Variants in LRP2 observed in about 807,000 individuals in gnomAD.
LRP2 encodes the protein LDL receptor related protein 2.
In LRP2, 172 loss-of-function variants were observed where a neutral mutation model predicts 531.0. That is an observed-to-expected ratio of 0.32 (90% confidence interval 0.29 to 0.37). LRP2 has a LOEUF of 0.37. LRP2 is among the 10% of genes least tolerant of loss of function. The pLI, the probability that LRP2 is intolerant of heterozygous loss-of-function variation, is 1.00. For synonymous variants in LRP2, 1,992 were observed against 2,027.6 expected (o/e 0.98, Z 0.47); for missense variants, 5,167 against 5,868.3 (o/e 0.88, Z 3.90).
chr2:169,135,747 C>T (rs563493001), intron 76 of LRP2, among the ~76,000 whole-genome samples: 3 of 152,116 alleles, frequency 2.0e-5, no homozygotes, highest in Non-Finnish European at 2.9e-5. Context: ...CCTGTATAGA[C>T]GCTCCTTTTT....
In LRP2 at chr2:169,174,170, A is replaced by G; in HGVS notation, c.10769-6T>C. 1.2e-6 allele frequency: 2 copies of G among 1,614,204 alleles called. No homozygotes were observed. The highest frequency in any genetic ancestry group is 1.7e-6 in the Non-Finnish European group (2 of 1,180,038). On this transcript the variant is annotated splice_region_variant and splice_polypyrimidine_tract_variant and intron_variant, in intron 55 of 78. Coordinates refer to ENST00000649046, the MANE Select transcript of LRP2 (RefSeq NM_004525.3). ...GGAGTCACAGTGGTGATTCTCTGAG[A>G]GCAGGGACATTTGGTTATCAGCTTG...
intron 47 of LRP2, among the ~76,000 whole-genome samples, chr2:169,192,634 A>T (rs1355394420): frequency 6.6e-6 from 1 of 152,204 alleles, no homozygotes; most frequent in Admixed American, 6.5e-5. Context: ...GTTGTCAGAA[A>T]CCATGATGCT....
At chr2:169,159,708 A>G (rs1686502652) in intron 63 of LRP2, among the ~76,000 whole-genome samples, 2 of 152,000 alleles carry the variant, frequency 1.3e-5, no homozygotes, top group African/African-American at 4.8e-5. Flanking sequence ...ATTAGCAGTG[A>G]TATCCCCTCT....
chr2:169,318,681 C>T, intron 3 of LRP2, 81 bp downstream of exon 3: 2 of 1,581,278 alleles, frequency 1.3e-6, no homozygotes, highest in South Asian at 2.2e-5. Flanking sequence ...AAGAATCATC[C>T]CATTGTGTGT....
chr2:169,228,609 T>C (rs1330146040), intron 31 of LRP2, among the ~76,000 whole-genome samples: 1 of 152,202 alleles, frequency 6.6e-6, no homozygotes, highest in Non-Finnish European at 1.5e-5. Flanking sequence ...TTCTTGACTC[T>C]TCCATGGTGC....
At chr2:169,151,502 A>G (rs1023017850) in intron 67 of LRP2, among the ~76,000 whole-genome samples, 4 of 152,106 alleles carry the variant, frequency 2.6e-5, no homozygotes, top group African/African-American at 7.2e-5. Context: ...CTGACTGCCC[A>G]TGAGTCTGTT....
Position 169,157,435 on chromosome 2 carries a change from T to A in LRP2, c.11955A>T (p.Gly3985=), listed in dbSNP as rs750809420. ...CAGCTGTACAGGAGCAGATAAATCC[T>A]CCTTCATTTAATTGGGTACAATTTT... is the stretch of plus-strand genomic sequence containing the variant. ...CEQNCTQLNE[G]GFICSCTAGF... The change falls in exon 64 of 79, where the codon GGA becomes GGT. Residue 3985 remains glycine, a synonymous_variant. Transcript: ENST00000649046. 1.2e-6 allele frequency: 2 copies of A among 1,612,270 alleles called. No homozygotes were observed. The highest frequency in any genetic ancestry group is 1.7e-6 in the Non-Finnish European group (2 of 1,178,844).
At chr2:169,169,485 T>G (rs766446286) in intron 60 of LRP2, among the ~76,000 whole-genome samples, 4 of 152,264 alleles carry the variant, frequency 2.6e-5, no homozygotes, top group Non-Finnish European at 5.9e-5. Flanking sequence ...ACTTAATATA[T>G]TCTCCATTTA....
At chr2:169,356,478 C>T (rs1412576249) in intron 1 of LRP2, among the ~76,000 whole-genome samples, 1 of 152,234 alleles carries the variant, frequency 6.6e-6, no homozygotes, top group Non-Finnish European at 1.5e-5. Context: ...AAACATTTCA[C>T]ATTCATTGCC....
chr2:169,232,767 G>A (rs978065411), intron 30 of LRP2, among the ~76,000 whole-genome samples: 3 of 152,198 alleles, frequency 2.0e-5, no homozygotes, highest in East Asian at 1.9e-4. Flanking sequence ...GTCGCCTGCT[G>A]TGCTTTTGGA....
chr2:169,149,982 A>G (rs975918493), intron 68 of LRP2, among the ~76,000 whole-genome samples: 28 of 152,218 alleles, frequency 1.8e-4, no homozygotes, highest in African/African-American at 6.8e-4. Context: ...CATTCACACC[A>G]TAGAACACAC....
At chr2:169,147,015 C>A in intron 68 of LRP2, 56 bp from the exon 69 acceptor site, 4 of 1,283,586 alleles carry the variant, frequency 3.1e-6, no homozygotes, top group Non-Finnish European at 4.5e-6. Flanking sequence ...TTCTCCACTA[C>A]AGCAGAGCAC....
chr2:169,294,501 A>T (rs1344059324), intron 5 of LRP2, 99 bp downstream of exon 5: 2 of 915,068 alleles, frequency 2.2e-6, no homozygotes, highest in African/African-American at 1.6e-5. Flanking sequence ...ACATGAATTC[A>T]CTGAACCTGA....
At chr2:169,225,725 A>C (rs1291197612) in intron 32 of LRP2, among the ~76,000 whole-genome samples, 1 of 152,220 alleles carries the variant, frequency 6.6e-6, no homozygotes, top group Non-Finnish European at 1.5e-5. Flanking sequence ...TCATGAGAAA[A>C]ACCCAAGTCA....
chr2:169,273,127 T>G, intron 14 of LRP2, 60 bp from the exon 15 acceptor site: 1 of 1,588,234 alleles, frequency 6.3e-7, no homozygotes, highest in Non-Finnish European at 8.6e-7. Flanking sequence ...ATCCAAGACA[T>G]GAAGCCACTT....
At chr2:169,190,879 T>C (rs1401917053) in intron 48 of LRP2, among the ~76,000 whole-genome samples, 2 of 152,230 alleles carry the variant, frequency 1.3e-5, no homozygotes, top group East Asian at 1.9e-4. Context: ...ATTGTTCTTC[T>C]CCATTTCCTT....
chr2:169,302,023 G>A (rs1684298066), intron 4 of LRP2, among the ~76,000 whole-genome samples: 1 of 151,804 alleles, frequency 6.6e-6, no homozygotes, highest in South Asian at 2.1e-4. Context: ...ATTCCTATAG[G>A]CCATTCTATT....
At chr2:169,315,959 C>CA (rs536458606) in intron 3 of LRP2, among the ~76,000 whole-genome samples, 1,401 of 73,722 alleles carry the variant, frequency 0.019, 23 homozygotes, top group African/African-American at 0.046. Context: ...CCCATCTCTA[C>CA]AAAAAAAAAA....
chr2:169,289,775 G>C (rs1407602469), intron 8 of LRP2, among the ~76,000 whole-genome samples: 1 of 152,056 alleles, frequency 6.6e-6, no homozygotes, highest in Non-Finnish European at 1.5e-5. Context: ...GGGATTTCAG[G>C]TGATTATATT....
Sources: allele counts gnomAD v4.1 joint callset (sites outside exome capture counted in the v4.1 genomes callset), GRCh38; gene constraint gnomAD v4.1.1; transcripts MANE v1.5; gene names NCBI Gene and HGNC (gene_info 2026-07-23, HGNC 2026-07-21).